CHRNE: variants seen among roughly 807,000 people sequenced by gnomAD.
CHRNE encodes acetylcholine receptor subunit epsilon.
CHRNE carries 58 observed loss-of-function variants against 56.5 expected under a neutral mutation model. The observed-to-expected ratio is 1.03, with a 90% CI of 0.83 to 1.28. The LOEUF (loss-of-function observed/expected upper bound fraction) is 1.28, where lower values mean the gene tolerates loss of function less well. Among genes scored for constraint, CHRNE ranks in the 50% most tolerant of loss-of-function variants. The probability of loss-of-function intolerance (pLI) is 0.00; values close to 1 mark genes in which losing one functional copy is unlikely to be tolerated. For synonymous variants in CHRNE, 385 were observed against 297.9 expected, an observed-to-expected ratio of 1.29 and a Z score of -3.01; for missense variants, 793 against 688.9, an observed-to-expected ratio of 1.15 and a Z score of -1.69.
chr17:4,898,196 G>T lies in CHRNE; in HGVS notation c.*540C>A. Reference sequence around the variant, plus strand: ...TCATGGGGTGGGATGGGCAGTGCTGGGCCAAGAAAACCTAGAAGAAATGAC... The same window carrying T: ...TCATGGGGTGGGATGGGCAGTGCTGTGCCAAGAAAACCTAGAAGAAATGAC... On this transcript the variant is annotated 3_prime_UTR_variant, in exon 12 of 12. Transcript: ENST00000649488. 1 of 189,820 alleles carries T rather than the reference G, an allele frequency of 5.3e-6. No homozygotes were observed. Among genetic ancestry groups the T allele is most frequent in the Non-Finnish European group, 1.1e-5 (1 of 89,266 alleles). 11.8% of individuals were successfully genotyped at this position (189,820 alleles called of 1,614,324 possible).
chr17:4,901,561 T>G lies in CHRNE; in HGVS notation c.565A>C (p.Ile189Leu). The change falls in exon 6 of 12, where the codon ATC (isoleucine) becomes CTC (leucine). Residue 189 changes from isoleucine to leucine, a missense_variant. Transcript: ENST00000649488. ...TFAVDNDGKT[I>L]NKIDIDTEAY... is the part of the protein sequence containing the mutation. ...TCTGTGTCGATGTCGATCTTGTTGATGGTCTTGCCGTCGTTGTCTACGGCA... is the reference window on the plus strand; with the variant it reads ...TCTGTGTCGATGTCGATCTTGTTGAGGGTCTTGCCGTCGTTGTCTACGGCA... The G allele has an allele frequency of 6.2e-7, 1 of 1,614,188 alleles. No homozygotes were observed. The highest frequency in any genetic ancestry group is 8.5e-7 in the Non-Finnish European group (1 of 1,180,020).
rs867064180 is a variant in CHRNE, at chr17:4,899,220, C to A, written c.1197G>T (p.Arg399Ser). 1 of 1,606,466 alleles carries A rather than the reference C, an allele frequency of 6.2e-7. No homozygotes were observed. The highest frequency in any genetic ancestry group is 8.5e-7 in the Non-Finnish European group (1 of 1,178,638). ...PRSELVFEGQRHRQGTWTAAF... is the reference protein window; with the variant it reads ...PRSELVFEGQSHRQGTWTAAF... The stretch of plus-strand genomic sequence containing the variant: ...CACCCGTCCAGGTCCCCTGCCGGTG[C>A]CTCTGCCCCTCAAACACGAGCTCGC... Residue 399 changes from arginine (R) to serine (S), a missense_variant, in exon 10 of 12, where the codon AGG becomes AGT. Physicochemically the swap from Arg to Ser is moderately radical, Grantham distance 110. Coordinates refer to ENST00000649488, the MANE Select transcript of CHRNE (RefSeq NM_000080.4).
At position 4,901,975 on chromosome 17, in the gene CHRNE, T is replaced by A. The variant is rs535287601; in HGVS notation, c.457A>T (p.Thr153Ser). 6 of 1,607,652 alleles carry A rather than the reference T, an allele frequency of 3.7e-6. No individual in the cohort carries two copies. The Admixed American group carries it at 6.7e-5, about 18-fold the overall frequency. Reference protein sequence around the residue: ...IYRSVCAVEVTYFPFDWQNCS... With the variant: ...IYRSVCAVEVSYFPFDWQNCS... ...TTCTGCCAATCGAAGGGGAAGTAGG[T>A]GACCTCCACTGCGCAGACGCTGCGG... The change falls in exon 5 of 12, where the codon ACC becomes TCC. Residue 153 changes from threonine (T) to serine (S), a missense_variant. By Grantham distance (58) the Thr-to-Ser change is moderately conservative (BLOSUM62 1). Coordinates refer to ENST00000649488, the MANE Select transcript of CHRNE (RefSeq NM_000080.4).
At chr17:4,904,420 T>C (rs1597624522), upstream of CHRNE, among the ~76,000 whole-genome samples, 1 of 152,210 alleles carries the variant, frequency 6.6e-6, no homozygotes, top group African/African-American at 2.4e-5. Context: ...GTGCTTATTT[T>C]AAATTCAGAT....
rs1969791914 is a variant in CHRNE, at chr17:4,898,342, G to A, written c.*394C>T. The A allele has an allele frequency of 3.3e-6, 1 of 306,552 alleles. No individual in the cohort carries two copies. Among genetic ancestry groups the A allele is most frequent in the African/African-American group, 2.2e-5 (1 of 46,142 alleles). 19.0% of individuals were successfully genotyped at this position (306,552 alleles called of 1,614,324 possible). A position where few individuals can be genotyped will look rare whatever the true frequency, so the allele number is the denominator to read the frequency against. On this transcript the variant is annotated 3_prime_UTR_variant, in exon 12 of 12. Transcript: ENST00000649488. ...GACCAGGGAAGAAGAGGGTTTCCTG[G>A]CTACAGCCTCCCTGTGTGCAAGTCC... is the stretch of plus-strand genomic sequence containing the variant.
In CHRNE at chr17:4,903,007, CCT is replaced by C. The variant is rs2151099125; in HGVS notation, c.46+9_46+10del. 6.2e-7 allele frequency: 1 copy of C among 1,614,100 alleles called. No individual in the cohort carries two copies. The highest frequency in any genetic ancestry group is 8.5e-7 in the Non-Finnish European group (1 of 1,180,024). ...TGTGTGTCCAATTGCCCCTCTAGCC[CCT>C]GTCCGTACCGAGAAGCCCCAAGAGG... On this transcript the variant is annotated intron_variant, in intron 1 of 11. Transcript: ENST00000649488.
upstream of CHRNE, among the ~76,000 whole-genome samples, chr17:4,907,078 G>A (rs1970100067): frequency 6.6e-6 from 1 of 152,042 alleles, no homozygotes; most frequent in South Asian, 2.1e-4. Context: ...TGGATGGTGG[G>A]GATGGTTAAT....
chr17:4,902,122 G>T lies in CHRNE; in HGVS notation c.345-35C>A. 6.2e-7 allele frequency: 1 copy of T among 1,613,574 alleles called. No homozygotes were observed. The highest frequency in any genetic ancestry group is 8.5e-7 in the Non-Finnish European group (1 of 1,179,868). On this transcript the variant is annotated intron_variant, in intron 4 of 11. Transcript: ENST00000649488. The surrounding 1 kb of genome is among the most constrained non-coding windows in gnomAD (Gnocchi z 4.0). ...CGGGGAAACCGAGCTTTTTGCACAG[G>T]TCTGCACCCTCTCAGAGTACCCCCT...
In CHRNE at chr17:4,902,974, A is replaced by G. The variant is rs1970037259; in HGVS notation, c.46+44T>C. The G allele has an allele frequency of 5.0e-6, 8 of 1,612,280 alleles. No homozygotes were observed. In the African/African-American group the frequency reaches 8.0e-5, roughly 16 times the overall value. ...TTTGTCTTCCCAGTCCCTTCATGTC[A>G]GTATCTGTGTGTGTCCAATTGCCCC... On this transcript the variant is annotated intron_variant, in intron 1 of 11. Transcript: ENST00000649488. This position sits in a 1 kb window ranked among gnomAD's most constrained non-coding sequence, Gnocchi z 4.0.
rs746315640 is a variant in CHRNE at position 4,902,343 on chromosome 17, G to A, written c.235-17C>T. On this transcript the variant is annotated splice_polypyrimidine_tract_variant and intron_variant, in intron 3 of 11. Transcript: ENST00000649488. The surrounding 1 kb of genome is among the most constrained non-coding windows in gnomAD (Gnocchi z 4.0). ...CTGCCAATCCTAAGGGGTGGGGGAT[G>A]GAAGGCCGCGTGCCCTGCATCTCCC... The A allele has an allele frequency of 1.2e-5, 19 of 1,614,022 alleles. No homozygotes were observed. The highest frequency in any genetic ancestry group is 1.6e-5 in the Non-Finnish European group (19 of 1,179,856).
At chr17:4,903,130 T>C (rs1248056620), upstream of CHRNE, 2 of 1,529,574 alleles carry the variant, frequency 1.3e-6, no homozygotes, top group South Asian at 1.1e-5. Flanking sequence ...CCAGGGTGCC[T>C]GTGTGAGGGG....
intron 8 of CHRNE, chr17:4,900,123 G>C: frequency 6.4e-7 from 1 of 1,550,644 alleles, no homozygotes. Context: ...AGCCTCGTGA[G>C]CTTCGGCACC....
rs933082734 is a variant in CHRNE at position 4,900,866 on chromosome 17, C to A, written c.844G>T (p.Ala282Ser). Residue 282 changes from alanine to serine, a missense_variant, in exon 8 of 12, where the codon GCC becomes TCC. Transcript: ENST00000649488. ...ATGAGGAACAAGAAGACGGTCTGGG[C>A]GAGCAGGACGTTGATGGAGACCGTG... ...KCTVSINVLL[A>S]QTVFLFLIAQ... 6.2e-7 allele frequency: 1 copy of A among 1,614,048 alleles called. No individual in the cohort carries two copies. Among genetic ancestry groups the A allele is most frequent in the Non-Finnish European group, 8.5e-7 (1 of 1,180,014 alleles).
chr17:4,901,444 G>T, intron 6 of CHRNE, 81 bp downstream of exon 6: 2 of 1,339,040 alleles, frequency 1.5e-6, no homozygotes, highest in Non-Finnish European at 2.1e-6. Flanking sequence ...AGTGTCGTTG[G>T]TCCGGGGCAA....
chr17:4,899,086 C>T lies in CHRNE; in HGVS notation c.1241G>A (p.Gly414Asp), dbSNP rs781373404. The T allele has an allele frequency of 6.2e-7, 1 of 1,609,118 alleles. No individual in the cohort carries two copies. Among genetic ancestry groups the T allele is most frequent in the African/African-American group, 1.3e-5 (1 of 74,400 alleles). The change falls in exon 11 of 12, where the codon GGC becomes GAC. Residue 414 changes from glycine (G) to aspartate (D), a missense_variant. Physicochemically the swap from Gly to Asp is moderately conservative, Grantham distance 94. Transcript: ENST00000649488. The part of the protein sequence containing the change: ...TWTAAFCQSL[G>D]AAAPEVRCCV... Reference sequence around the variant, plus strand: ...GCAGCGGACCTCGGGGGCGGCGGCGCCCAGGCTCTGGCAGAAGGCAGCTGG... The same window carrying T: ...GCAGCGGACCTCGGGGGCGGCGGCGTCCAGGCTCTGGCAGAAGGCAGCTGG...
At chr17:4,899,959 G>A (rs1192849000) in intron 8 of CHRNE, 1 of 1,551,248 alleles carries the variant, frequency 6.4e-7, no homozygotes. Flanking sequence ...CCCCGCTTCT[G>A]TCTTCCCTGG....
At position 4,899,113 on chromosome 17, in the gene CHRNE, G is replaced by A. The variant is rs56251503; in HGVS notation, c.1220-6C>T. The A allele has an allele frequency of 4.5e-5, 73 of 1,606,512 alleles. No homozygotes were observed. Among genetic ancestry groups the A allele is most frequent in the Non-Finnish European group, 5.9e-5 (70 of 1,178,040 alleles). ...CAGGCTCTGGCAGAAGGCAGCTGGC[G>A]GGGAAAACACCGGGGTGGGCCTTAG... On this transcript the variant is annotated splice_polypyrimidine_tract_variant and splice_region_variant and intron_variant, in intron 10 of 11. Transcript: ENST00000649488.
Position 4,902,628 on chromosome 17 carries a change from A to C in CHRNE, c.182T>G (p.Ile61Ser), listed in dbSNP as rs1199917129. The C allele has an allele frequency of 6.2e-7, 1 of 1,613,904 alleles. No individual in the cohort carries two copies. The highest frequency in any genetic ancestry group is 2.2e-5 in the East Asian group (1 of 44,862). The change falls in exon 2 of 12, where the codon ATC becomes AGC. Residue 61 changes from isoleucine (I) to serine (S), a missense_variant. Transcript: ENST00000649488. This position sits in a 1 kb window ranked among gnomAD's most constrained non-coding sequence, Gnocchi z 4.0. ...AGGGTGGGGGTAGCTTACCAGTGAG[A>C]TGAGATTCGTCAGGGTGACCTTGAG... ...ISLKVTLTNL[I>S]SLNEKEETLT...
At position 4,899,323 on chromosome 17, in the gene CHRNE, G is replaced by GA; in HGVS notation, c.1093_1094insT (p.Ala365ValfsTer32). Reference sequence around the variant, plus strand: ...CGACGCCCGCCTTGGGGGCGAGGCGGCCCGGGGGGCCTCGGGCGGCGGCGG... The same window carrying GA: ...CGACGCCCGCCTTGGGGGCGAGGCGGACCCGGGGGGCCTCGGGCGGCGGCGG... On this transcript the variant is annotated frameshift_variant, in exon 10 of 12. Transcript: ENST00000649488. LOFTEE classifies it high-confidence loss of function. The GA allele has an allele frequency of 3.2e-6, 5 of 1,562,392 alleles. No homozygotes were observed. Among genetic ancestry groups the GA allele is most frequent in the Non-Finnish European group, 4.3e-6 (5 of 1,161,192 alleles).
Sources: allele counts gnomAD v4.1 joint callset (sites outside exome capture counted in the v4.1 genomes callset), GRCh38; gene constraint gnomAD v4.1.1; non-coding constraint Gnocchi (gnomAD v3.1); transcripts MANE v1.5; gene names NCBI Gene and HGNC (gene_info 2026-07-23, HGNC 2026-07-21).